Variants in C17orf99 observed in about 807,000 individuals in gnomAD.
The protein encoded by C17orf99 is protein IL-40.
Under a neutral mutation model 22.6 loss-of-function variants are expected in C17orf99, and 18 were observed. The ratio of observed to expected loss-of-function variants is 0.80; its 90% CI spans 0.55 to 1.18. The LOEUF is 1.18. Among genes scored for constraint, C17orf99 ranks in the 50% most tolerant of loss-of-function variants. The pLI is 0.00. For synonymous variants in C17orf99, 147 were observed against 136.6 expected (o/e 1.08, Z -0.53); for missense variants, 328 against 342.7 (o/e 0.96, Z 0.34).
chr17:78,160,844 A>C (rs2075569259), intron 2 of C17orf99, 111 bp from the exon 3 acceptor site: 3 of 836,374 alleles, frequency 3.6e-6, no homozygotes, highest in Non-Finnish European at 5.6e-6. Flanking sequence ...GGACCTCCCA[A>C]ACACTGGGAT....
intron 2 of C17orf99, among the ~76,000 whole-genome samples, chr17:78,153,091 AT>A (rs1388088465): frequency 6.8e-6 from 1 of 148,036 alleles, no homozygotes; most frequent in African/African-American, 2.6e-5. Context: ...AAAGAAAAAA[AT>A]AAATTAAAAA....
chr17:78,164,882 C>CAA (rs1212067150), intron 4 of C17orf99: 45 of 1,178,594 alleles, frequency 3.8e-5, no homozygotes, highest in South Asian at 2.3e-4. Flanking sequence ...AAGGCGTTAT[C>CAA]GGACCCTGAC....
upstream of C17orf99, chr17:78,146,292 G>A (rs117800449): frequency 2.9e-4 from 270 of 920,748 alleles, no homozygotes; most frequent in East Asian, 6.2e-3. The surrounding 1 kb of genome is among the most constrained non-coding windows in gnomAD (Gnocchi z 5.2). Context: ...CGGCCTCCAG[G>A]TTATCTCCCC....
intron 2 of C17orf99, among the ~76,000 whole-genome samples, chr17:78,152,455 C>A (rs1221183237): frequency 6.6e-6 from 1 of 152,006 alleles, no homozygotes; most frequent in Non-Finnish European, 1.5e-5. Context: ...CCACCTCAAC[C>A]TGCTGAGTAG....
upstream of C17orf99, among the ~76,000 whole-genome samples, chr17:78,146,155 T>C (rs1354978220): frequency 6.6e-6 from 1 of 152,186 alleles, no homozygotes; most frequent in Non-Finnish European, 1.5e-5. The surrounding 1 kb of genome is among the most constrained non-coding windows in gnomAD (Gnocchi z 5.2). Context: ...CTGCTGAGTC[T>C]AAGCCCTGGT....
At chr17:78,149,748 C>T (rs1053146431) in intron 2 of C17orf99, among the ~76,000 whole-genome samples, 7 of 150,324 alleles carry the variant, frequency 4.7e-5, no homozygotes, top group South Asian at 2.1e-4. Flanking sequence ...CTCGCTCTGT[C>T]GCCCAGGCTG....
intron 4 of C17orf99, chr17:78,165,668 G>C (rs934653060): frequency 1.1e-6 from 1 of 898,842 alleles, no homozygotes; most frequent in African/African-American, 1.8e-5. Flanking sequence ...CGGGCGTGGT[G>C]GTGCGCACCT....
chr17:78,155,884 C>T (rs2145783413), intron 2 of C17orf99, among the ~76,000 whole-genome samples: 1 of 151,892 alleles, frequency 6.6e-6, no homozygotes, highest in South Asian at 2.1e-4. Context: ...GCCTCGGCCT[C>T]ACAGTGCTGG....
In C17orf99 at chr17:78,166,026, C is replaced by A; in HGVS notation, c.778C>A (p.Arg260Ser). The A allele has an allele frequency of 1.4e-6, 2 of 1,395,700 alleles. No individual in the cohort carries two copies. Among genetic ancestry groups the A allele is most frequent in the Non-Finnish European group, 9.5e-7 (1 of 1,049,300 alleles). The allele number at this position is 1,395,700 out of a possible 1,614,324, so 86.5% of individuals were successfully genotyped here. ...GATAGGGAATGGGGAGGTCAGAGGA[C>A]GCAAAGCAGCAGCCATGTAGAATGA... ...FRIGNGEVRGRKAAAM is the reference protein window; with the variant it reads ...FRIGNGEVRGSKAAAM The change falls in exon 5 of 5, where the codon CGC (arginine) becomes AGC (serine). Residue 260 changes from arginine (R) to serine (S), a missense_variant. Arg to Ser is a moderately radical substitution (Grantham distance 110). Coordinates refer to ENST00000340363, the MANE Select transcript of C17orf99 (RefSeq NM_001163075.2).
chr17:78,153,416 C>T (rs1193517082), intron 2 of C17orf99, among the ~76,000 whole-genome samples: 9 of 151,642 alleles, frequency 5.9e-5, no homozygotes, highest in Non-Finnish European at 1.0e-4. Flanking sequence ...ACCCAGGAGG[C>T]GGAGGTTGCA....
upstream of C17orf99, among the ~76,000 whole-genome samples, chr17:78,145,993 G>A (rs2075435077): frequency 6.6e-6 from 1 of 152,010 alleles, no homozygotes; most frequent in Non-Finnish European, 1.5e-5. Context: ...TCGCCATGTT[G>A]GCCAGGCTGG....
intron 2 of C17orf99, 51 bp from the exon 3 acceptor site, chr17:78,160,904 C>T (rs1364157554): frequency 1.4e-6 from 2 of 1,461,882 alleles, no homozygotes; most frequent in South Asian, 2.6e-5. Context: ...TCTTAAGGTG[C>T]TTGATCAATG....
At chr17:78,156,449 G>A (rs1210845486) in intron 2 of C17orf99, among the ~76,000 whole-genome samples, 1 of 151,508 alleles carries the variant, frequency 6.6e-6, no homozygotes, top group African/African-American at 2.4e-5. Context: ...AAACAGAGAA[G>A]TCACTCGCAA....
At chr17:78,150,845 C>T (rs988046445) in intron 2 of C17orf99, among the ~76,000 whole-genome samples, 5 of 152,126 alleles carry the variant, frequency 3.3e-5, no homozygotes, top group East Asian at 1.9e-4. Context: ...CAGAGGAGGC[C>T]GGACACAGTG....
rs2075441493 is a variant in C17orf99, at chr17:78,146,895, C to T, written c.54C>T (p.Ser18=). The change falls in exon 2 of 5, where the codon TCC becomes TCT. Residue 18 remains serine, a synonymous_variant. Coordinates refer to ENST00000340363, the MANE Select transcript of C17orf99 (RefSeq NM_001163075.2). This position sits in a 1 kb window ranked among gnomAD's most constrained non-coding sequence, Gnocchi z 5.2. ...CLAVLAASSF[S]KAREEEITPV... ...CTCTTACAGCTGCCAGCAGCTTCTCCAAGGCACGGGAGGAAGGTAAGTGGC... is the reference window on the plus strand; with the variant it reads ...CTCTTACAGCTGCCAGCAGCTTCTCTAAGGCACGGGAGGAAGGTAAGTGGC... 6.4e-7 allele frequency: 1 copy of T among 1,551,542 alleles called. No homozygotes were observed. Among genetic ancestry groups the T allele is most frequent in the African/African-American group, 1.4e-5 (1 of 73,156 alleles).
At position 78,148,232 on chromosome 17, in the gene C17orf99, AG is replaced by A. The variant is rs201508139; in HGVS notation, c.70+1322del. Reference sequence around the variant, plus strand: ...ACCCCCATCTCTTAAAAAAAAAAAAAGAAAATGGCTCGATCTCAGCTTACTG... The same window carrying A: ...ACCCCCATCTCTTAAAAAAAAAAAAAAAAATGGCTCGATCTCAGCTTACTG... On this transcript the variant is annotated intron_variant, in intron 2 of 4. Coordinates refer to ENST00000340363, the MANE Select transcript of C17orf99 (RefSeq NM_001163075.2). Among the ~76,000 whole-genome samples the A allele has an allele frequency of 2.6e-3, 392 of 150,240 alleles. 14 individuals are homozygous for A. Among genetic ancestry groups the A allele is most frequent in the African/African-American group, 6.6e-3 (269 of 40,904 alleles).
intron 4 of C17orf99, chr17:78,164,884 G>A (rs1445295865): frequency 3.3e-5 from 39 of 1,176,064 alleles, no homozygotes; most frequent in Non-Finnish European, 4.0e-5. Flanking sequence ...GGCGTTATCG[G>A]ACCCTGACCA....
rs370305966 is a variant in C17orf99 at position 78,148,465 on chromosome 17, G to A, written c.70+1554G>A. 1.4e-4 allele frequency among the ~76,000 whole-genome samples: 22 copies of A among 152,256 alleles called. No individual in the cohort carries two copies. The East Asian group carries it at 3.7e-3, about 25-fold the overall frequency. ...GATTGCTTGTCCGGGAAGTGAGGCTGCAGTGAACCGTAATCATTAACAGTG... is the reference window on the plus strand; with the variant it reads ...GATTGCTTGTCCGGGAAGTGAGGCTACAGTGAACCGTAATCATTAACAGTG... On this transcript the variant is annotated intron_variant, in intron 2 of 4. Transcript: ENST00000340363.
At chr17:78,159,857 A>G (rs1296491845) in intron 2 of C17orf99, among the ~76,000 whole-genome samples, 2 of 152,032 alleles carry the variant, frequency 1.3e-5, no homozygotes, top group Non-Finnish European at 2.9e-5. Context: ...TGTTTAGTGG[A>G]ATGTTGTTAC....
Sources: gnomAD v4.1 joint callset for allele counts (sites outside exome capture counted in the v4.1 genomes callset) on GRCh38, gnomAD v4.1.1 for gene constraint, Gnocchi (gnomAD v3.1) non-coding constraint, MANE v1.5 for transcripts, NCBI Gene and HGNC (gene_info 2026-07-23, HGNC 2026-07-21) for gene names.